SBNO1: variants seen among roughly 807,000 people sequenced by gnomAD.
SBNO1 encodes the protein protein strawberry notch homolog 1.
A neutral mutation model predicts 173.6 loss-of-function variants in SBNO1; 23 were observed. The ratio of observed to expected loss-of-function variants is 0.13; its 90% confidence interval spans 0.10 to 0.19. The LOEUF is 0.19. SBNO1 is among the 10% of genes least tolerant of loss of function. SBNO1 has a pLI of 1.00. For synonymous variants in SBNO1, 632 were observed against 571.5 expected (o/e 1.11, Z -1.51); for missense variants, 1,238 against 1,671.2 (o/e 0.74, Z 4.52).
At chr12:123,300,344 G>A (rs575152610) in intron 30 of SBNO1, among the ~76,000 whole-genome samples, 1 of 152,208 alleles carries the variant, frequency 6.6e-6, no homozygotes, top group East Asian at 1.9e-4. Flanking sequence ...CCACTGCACT[G>A]TCCCCAGAGG....
intron 31 of SBNO1, among the ~76,000 whole-genome samples, chr12:123,296,537 G>T (rs1451052591): frequency 6.6e-6 from 1 of 150,922 alleles, no homozygotes; most frequent in Non-Finnish European, 1.5e-5. Context: ...CAGATAAATT[G>T]CATGCATATA....
intron 30 of SBNO1, among the ~76,000 whole-genome samples, chr12:123,299,648 T>C (rs1372773925): frequency 1.5e-5 from 2 of 135,588 alleles, no homozygotes; most frequent in Non-Finnish European, 3.1e-5. Context: ...GCCACTACAC[T>C]CTGGCATGGG....
At chr12:123,319,842 TTAATC>T in intron 20 of SBNO1, 53 bp downstream of exon 20, 1 of 1,496,980 alleles carries the variant, frequency 6.7e-7, no homozygotes, top group Non-Finnish European at 9.2e-7. Context: ...CTTCTAAAGC[TTAATC>T]TAAATATACA....
chr12:123,324,120 G>A (rs1870320154), intron 15 of SBNO1, among the ~76,000 whole-genome samples: 1 of 152,018 alleles, frequency 6.6e-6, no homozygotes, highest in South Asian at 2.1e-4. Context: ...AATATACCAT[G>A]TCAACACATA....
intron 23 of SBNO1, among the ~76,000 whole-genome samples, chr12:123,314,644 G>T (rs1471087946): frequency 6.7e-6 from 1 of 149,582 alleles, no homozygotes; most frequent in East Asian, 2.0e-4. Flanking sequence ...ACTAATTTTT[G>T]TATAATTTTT....
chr12:123,316,511 G>A (rs898846872), intron 21 of SBNO1, among the ~76,000 whole-genome samples: 1 of 150,380 alleles, frequency 6.6e-6, no homozygotes, highest in African/African-American at 2.4e-5. Flanking sequence ...GGCGTGAGCC[G>A]CTGCGCCCAG....
chr12:123,362,453 AAAAAAAAAAAAAAAAG>A (rs1167814338), intron 1 of SBNO1, among the ~76,000 whole-genome samples: 2 of 148,620 alleles, frequency 1.3e-5, no homozygotes, highest in African/African-American at 2.5e-5. Context: ...AAAAAAAAAA[AAAAAAAAAAAAAAAAG>A]GATTCTGACG....
At chr12:123,320,990 A>C in intron 17 of SBNO1, 124 bp from the exon 18 acceptor site, 1 of 746,652 alleles carries the variant, frequency 1.3e-6, no homozygotes, top group Non-Finnish European at 2.1e-6. Context: ...CCCAGGCTGG[A>C]GTGCAATGGC....
intron 31 of SBNO1, 132 bp downstream of exon 31, chr12:123,297,845 TA>T: frequency 1.3e-6 from 1 of 752,088 alleles, no homozygotes; most frequent in Non-Finnish European, 2.2e-6. Flanking sequence ...GTAAGAAATA[TA>T]AAACGGGTCC....
At chr12:123,308,893 C>G (rs1014516943) in intron 28 of SBNO1, among the ~76,000 whole-genome samples, 1 of 152,126 alleles carries the variant, frequency 6.6e-6, no homozygotes, top group Non-Finnish European at 1.5e-5. Context: ...CACCTGAGGT[C>G]GGGAGTTTGA....
intron 17 of SBNO1, among the ~76,000 whole-genome samples, chr12:123,321,230 C>T (rs748915036): frequency 9.9e-5 from 15 of 152,138 alleles, no homozygotes; most frequent in South Asian, 2.1e-4. Flanking sequence ...TGAGCCACCG[C>T]GCCTGGATGA....
At chr12:123,322,512 G>A (rs1421975901) in intron 16 of SBNO1, among the ~76,000 whole-genome samples, 1 of 151,998 alleles carries the variant, frequency 6.6e-6, no homozygotes, top group Non-Finnish European at 1.5e-5. Context: ...TGGCCAGGCT[G>A]GTCTCGAACT....
At position 123,363,846 on chromosome 12, in the gene SBNO1, G is replaced by A. The variant is rs375013639; in HGVS notation, c.-1+855C>T. 1.7e-5 allele frequency: 17 copies of A among 985,442 alleles called. No individual in the cohort carries two copies. The East Asian group carries it at 3.4e-4, about 20-fold the overall frequency. 61.0% of individuals were successfully genotyped at this position (985,442 alleles called of 1,614,324 possible). On this transcript the variant is annotated intron_variant, in intron 1 of 31. Transcript: ENST00000602398. ...AGAAGCACAAAGCAGGGGTGGGAAG[G>A]GGAGGAGCTGGATGCCAGGGTCAGG...
chr12:123,336,613 C>T (rs1871873021), intron 5 of SBNO1, 122 bp from the exon 6 acceptor site: 6 of 627,512 alleles, frequency 9.6e-6, no homozygotes, highest in Non-Finnish European at 1.7e-5. Context: ...GACGCGCCAC[C>T]TCAATACTCC....
At chr12:123,349,023 C>T (rs1386195404) in intron 2 of SBNO1, 10 of 145,030 alleles carry the variant, frequency 6.9e-5, no homozygotes, top group Non-Finnish European at 1.3e-4. Flanking sequence ...GTGAAGCAGT[C>T]GGAGTAGAGG....
rs754718548 is a variant in SBNO1 at position 123,321,612 on chromosome 12, C to T, written c.2246G>A (p.Ser749Asn). Residue 749 changes from serine to asparagine, a missense_variant, in exon 17 of 32, where the codon AGC (serine) becomes AAC (asparagine). This residue lies in a region of SBNO1 where 81 missense variants were observed against 82.6 expected (regional missense o/e 0.98). Transcript: ENST00000602398. The part of the protein sequence containing the change: ...ASDNEESDYE[S>N]SKNMSSGDDD... ...ATCTCCAGAACTCATGTTTTTAGAG[C>T]TCTCATAGTCACTTTCTTCATTATC... is the stretch of plus-strand genomic sequence containing the variant. 1.9e-6 allele frequency: 3 copies of T among 1,613,860 alleles called. No individual in the cohort carries two copies. Among genetic ancestry groups the T allele is most frequent in the Admixed American group, 1.7e-5 (1 of 59,998 alleles).
intron 28 of SBNO1, among the ~76,000 whole-genome samples, chr12:123,305,235 G>T (rs1277159842): frequency 6.6e-6 from 1 of 152,196 alleles, no homozygotes; most frequent in South Asian, 2.1e-4. Context: ...GCCCCTCCAA[G>T]ATAAGGCCTT....
At chr12:123,311,176 T>A in intron 24 of SBNO1, 47 bp from the exon 25 acceptor site, 1 of 1,373,462 alleles carries the variant, frequency 7.3e-7, no homozygotes, top group Non-Finnish European at 1.0e-6. Context: ...AAGGGATGTC[T>A]ACAATGTACC....
intron 21 of SBNO1, among the ~76,000 whole-genome samples, chr12:123,316,278 G>A (rs1383308730): frequency 1.3e-5 from 2 of 152,146 alleles, no homozygotes; most frequent in Non-Finnish European, 2.9e-5. Context: ...AAGGTAGAGT[G>A]CAATGGTGTG....
Sources: gnomAD v4.1 joint callset for allele counts (sites outside exome capture counted in the v4.1 genomes callset) on GRCh38, gnomAD v4.1.1 for gene constraint, gnomAD v4.1.1 regional missense constraint, MANE v1.5 for transcripts, NCBI Gene and HGNC (gene_info 2026-07-23, HGNC 2026-07-21) for gene names.